Variants in FBXW4 observed in about 807,000 individuals in gnomAD.
The protein encoded by FBXW4 is F-box/WD repeat-containing protein 4.
A neutral mutation model predicts 61.8 loss-of-function variants in FBXW4; 40 were observed. That is an observed-to-expected ratio of 0.65 (90% CI 0.50 to 0.84). The LOEUF is 0.84. Among genes scored for constraint, FBXW4 ranks in the 40% least tolerant of loss-of-function variants. The pLI is 0.00. For missense variants in FBXW4, 672 were observed against 753.8 expected (o/e 0.89, Z 1.27); for synonymous variants, 311 against 313.8 (o/e 0.99, Z 0.10).
intron 5 of FBXW4, among the ~76,000 whole-genome samples, chr10:101,631,014 C>T (rs988879157): frequency 6.6e-6 from 1 of 151,910 alleles, no homozygotes; most frequent in Non-Finnish European, 1.5e-5. Flanking sequence ...AAGGGAGGCC[C>T]TAGGACCAAA....
At chr10:101,628,126 G>A (rs185775057) in intron 5 of FBXW4, 40 of 258,926 alleles carry the variant, frequency 1.5e-4, no homozygotes, top group African/African-American at 5.3e-4. Flanking sequence ...CATTCCCTCC[G>A]TGGCTCCTCC....
At chr10:101,649,373 C>A (rs1380392084) in intron 5 of FBXW4, among the ~76,000 whole-genome samples, 1 of 152,170 alleles carries the variant, frequency 6.6e-6, no homozygotes, top group Admixed American at 6.5e-5. Context: ...CCCCACCCAC[C>A]ATTATCACAT....
At chr10:101,621,668 T>G (rs2063868017) in intron 6 of FBXW4, among the ~76,000 whole-genome samples, 1 of 152,180 alleles carries the variant, frequency 6.6e-6, no homozygotes, top group South Asian at 2.1e-4. Flanking sequence ...ATAATTTTGT[T>G]CATACCAGTT....
At chr10:101,654,105 G>A (rs10883671) in intron 5 of FBXW4, among the ~76,000 whole-genome samples, 1 of 132,060 alleles carries the variant, frequency 7.6e-6, no homozygotes. Flanking sequence ...CGGCGACAGA[G>A]CGAGACTCCG....
chr10:101,669,604 G>A (rs958902836), intron 4 of FBXW4, among the ~76,000 whole-genome samples: 3 of 152,176 alleles, frequency 2.0e-5, no homozygotes, highest in East Asian at 1.9e-4. Flanking sequence ...TGGCCCTCCT[G>A]GCTTGGCCCA....
intron 5 of FBXW4, among the ~76,000 whole-genome samples, chr10:101,640,193 C>T (rs75671305): frequency 0.069 from 10,565 of 152,234 alleles, 487 homozygotes; most frequent in African/African-American, 0.13. Context: ...GAGGTGTTCT[C>T]TTATACCAAT....
At chr10:101,641,631 C>CAAAA (rs781269292) in intron 5 of FBXW4, among the ~76,000 whole-genome samples, 20 of 7,648 alleles carry the variant, frequency 2.6e-3, no homozygotes, top group Admixed American at 5.6e-3. Context: ...GATTTTTTCT[C>CAAAA]AAAAAAAAAC....
At chr10:101,671,631 A>G (rs2064358900) in intron 4 of FBXW4, among the ~76,000 whole-genome samples, 1 of 152,188 alleles carries the variant, frequency 6.6e-6, no homozygotes, top group Non-Finnish European at 1.5e-5. Flanking sequence ...TGACAGGAAG[A>G]TGGCTAGAAT....
At chr10:101,629,841 T>C (rs2063937263) in intron 5 of FBXW4, among the ~76,000 whole-genome samples, 2 of 151,978 alleles carry the variant, frequency 1.3e-5, no homozygotes, top group Non-Finnish European at 2.9e-5. Flanking sequence ...ATTGAATGAA[T>C]GAATGAATGG....
intron 5 of FBXW4, among the ~76,000 whole-genome samples, chr10:101,650,657 T>C (rs1182940487): frequency 2.6e-5 from 4 of 152,304 alleles, no homozygotes; most frequent in South Asian, 2.1e-4. Flanking sequence ...GACAGACACA[T>C]GGATGGGGGA....
chr10:101,611,559 C>T lies in FBXW4; in HGVS notation c.1584+69G>A, dbSNP rs866076009. On this transcript the variant is annotated intron_variant, in intron 8 of 8. Transcript: ENST00000331272. The surrounding 1 kb of genome is among the most constrained non-coding windows in gnomAD (Gnocchi z 4.9). ...TCTAGGCACGTCCTTGGCTACCTCA[C>T]CCTCTCCCAAATGCAGCCCATAATC... 3.1e-6 allele frequency: 5 copies of T among 1,590,488 alleles called. No individual in the cohort carries two copies. The highest frequency in any genetic ancestry group is 2.7e-5 in the African/African-American group (2 of 74,584).
intron 1 of FBXW4, among the ~76,000 whole-genome samples, chr10:101,688,543 A>G (rs1330141091): frequency 6.6e-6 from 1 of 152,242 alleles, no homozygotes; most frequent in East Asian, 1.9e-4. Flanking sequence ...AGATAGTCTC[A>G]TACTCATTTT....
chr10:101,637,950 AACGGATATT>A (rs2064018937), intron 5 of FBXW4, among the ~76,000 whole-genome samples: 1 of 152,128 alleles, frequency 6.6e-6, no homozygotes, highest in Admixed American at 6.5e-5. Flanking sequence ...TTTTTCAAAA[AACGGATATT>A]ACCCAGTACT....
At position 101,694,548 on chromosome 10, in the gene FBXW4, C is replaced by T; in HGVS notation, c.558G>A (p.Leu186=). 6.7e-7 allele frequency: 1 copy of T among 1,491,036 alleles called. No individual in the cohort carries two copies. Among genetic ancestry groups the T allele is most frequent in the Non-Finnish European group, 8.9e-7 (1 of 1,128,364 alleles). The allele number at this position is 1,491,036 out of a possible 1,614,324, so 92.4% of individuals were successfully genotyped here. A position where few individuals can be genotyped will look rare whatever the true frequency, so the allele number is the denominator to read the frequency against. Residue 186 remains leucine (L), a synonymous_variant, in exon 1 of 9, where the codon CTG becomes CTA. Coordinates refer to ENST00000331272, the MANE Select transcript of FBXW4 (RefSeq NM_022039.4). The surrounding 1 kb of genome is among the most constrained non-coding windows in gnomAD (Gnocchi z 6.0). ...RPAAGPALWR[L]PEELLLLICS... ...AGATGAGCAGCAGCAGCTCCTCCGG[C>T]AGGCGCCAGAGCGCAGGCCCCGCGG...
chr10:101,633,108 A>G (rs1282678518), intron 5 of FBXW4, among the ~76,000 whole-genome samples: 1 of 152,210 alleles, frequency 6.6e-6, no homozygotes, highest in Non-Finnish European at 1.5e-5. Flanking sequence ...TTTCTTCTTC[A>G]TAAGACAGAA....
intron 5 of FBXW4, among the ~76,000 whole-genome samples, chr10:101,656,423 T>A (rs535362772): frequency 6.6e-6 from 1 of 152,344 alleles, no homozygotes; most frequent in East Asian, 1.9e-4. Flanking sequence ...TTCTACTTCA[T>A]CAAGCCTACC....
chr10:101,641,631 C>CAAAAA (rs781269292), intron 5 of FBXW4, among the ~76,000 whole-genome samples: 4 of 7,624 alleles, frequency 5.2e-4, no homozygotes, highest in Non-Finnish European at 8.8e-4. Flanking sequence ...GATTTTTTCT[C>CAAAAA]AAAAAAAAAC....
intron 5 of FBXW4, among the ~76,000 whole-genome samples, chr10:101,663,192 A>G (rs1033559093): frequency 5.9e-5 from 9 of 151,402 alleles, no homozygotes; most frequent in African/African-American, 2.2e-4. Context: ...AGAGAATGAC[A>G]CTCCCCCTTC....
intron 5 of FBXW4, among the ~76,000 whole-genome samples, chr10:101,648,259 A>C (rs2064117437): frequency 6.6e-6 from 1 of 152,196 alleles, no homozygotes; most frequent in African/African-American, 2.4e-5. Flanking sequence ...GGGAGGAAAA[A>C]AGCAAAAATT....
Sources: gnomAD v4.1 joint callset for allele counts (sites outside exome capture counted in the v4.1 genomes callset) on GRCh38, gnomAD v4.1.1 for gene constraint, Gnocchi (gnomAD v3.1) non-coding constraint, MANE v1.5 for transcripts, NCBI Gene and HGNC (gene_info 2026-07-23, HGNC 2026-07-21) for gene names.